GALNT17: variants seen among roughly 807,000 people sequenced by gnomAD.
GALNT17 encodes the protein UDP-GalNAc:polypeptide N-acetylgalactosaminyltransferase-like 3.
GALNT17 carries 29 observed loss-of-function variants against 63.7 expected under a neutral mutation model. The observed-to-expected ratio is 0.46, with a 90% CI of 0.34 to 0.62. The LOEUF (loss-of-function observed/expected upper bound fraction) is 0.62. GALNT17 is among the 20% of genes least tolerant of loss of function. The pLI is 0.01. For synonymous variants in GALNT17, 305 were observed against 318.3 expected (o/e 0.96, Z 0.45); for missense variants, 603 against 799.6 (o/e 0.75, Z 2.97).
chr7:71,364,605 A>G (rs993749446), intron 2 of GALNT17, among the ~76,000 whole-genome samples: 9 of 152,194 alleles, frequency 5.9e-5, no homozygotes, highest in Admixed American at 3.3e-4. Context: ...CCCGTTTTCA[A>G]TGACTCATTA....
At chr7:71,271,622 G>A (rs1311012538) in intron 1 of GALNT17, among the ~76,000 whole-genome samples, 5 of 152,240 alleles carry the variant, frequency 3.3e-5, no homozygotes, top group Non-Finnish European at 7.3e-5. Flanking sequence ...CTTTTTGGGT[G>A]TACAGTTTGA....
At chr7:71,611,063 T>C (rs552060032) in intron 6 of GALNT17, among the ~76,000 whole-genome samples, 1 of 151,940 alleles carries the variant, frequency 6.6e-6, no homozygotes, top group East Asian at 1.9e-4. Flanking sequence ...CACTGTCTTC[T>C]TTATGCTTCA....
intron 9 of GALNT17, among the ~76,000 whole-genome samples, chr7:71,690,536 T>G (rs1200972691): frequency 6.6e-6 from 1 of 152,244 alleles, no homozygotes; most frequent in Non-Finnish European, 1.5e-5. Flanking sequence ...TCAAGTCTTA[T>G]TTAAGAAATT....
chr7:71,701,903 A>G (rs1791653738), intron 9 of GALNT17, among the ~76,000 whole-genome samples: 1 of 125,136 alleles, frequency 8.0e-6, no homozygotes, highest in Admixed American at 8.6e-5. Flanking sequence ...ATACACATAT[A>G]TATATATACA....
chr7:71,476,027 C>T (rs1317612994), intron 5 of GALNT17, among the ~76,000 whole-genome samples: 1 of 152,004 alleles, frequency 6.6e-6, no homozygotes, highest in Non-Finnish European at 1.5e-5. Context: ...TCATCAACCA[C>T]CATCATTATT....
intron 5 of GALNT17, among the ~76,000 whole-genome samples, chr7:71,426,749 G>A (rs1786767540): frequency 6.6e-6 from 1 of 151,944 alleles, no homozygotes; most frequent in African/African-American, 2.4e-5. Flanking sequence ...GATAAACCCT[G>A]TCTCTACTAA....
At chr7:71,233,984 C>G (rs949737540) in intron 1 of GALNT17, among the ~76,000 whole-genome samples, 1 of 152,102 alleles carries the variant, frequency 6.6e-6, no homozygotes, top group Non-Finnish European at 1.5e-5. Flanking sequence ...ACAATCAGAT[C>G]TCATGAGAAC....
chr7:71,218,230 C>A (rs1214845710), intron 1 of GALNT17, among the ~76,000 whole-genome samples: 2 of 152,158 alleles, frequency 1.3e-5, no homozygotes, highest in East Asian at 3.9e-4. Context: ...CCCGTCTCTA[C>A]TAAAAATTAC....
intron 1 of GALNT17, among the ~76,000 whole-genome samples, chr7:71,210,738 G>T (rs1789359757): frequency 6.6e-6 from 1 of 152,098 alleles, no homozygotes; most frequent in Non-Finnish European, 1.5e-5. Context: ...CAAGTTATTT[G>T]TCCTCCCTAT....
intron 6 of GALNT17, among the ~76,000 whole-genome samples, chr7:71,583,093 C>T (rs1789660500): frequency 6.6e-6 from 1 of 152,126 alleles, no homozygotes; most frequent in Non-Finnish European, 1.5e-5. Flanking sequence ...CACATCTCTG[C>T]TCCATACTCC....
chr7:71,241,825 G>T (rs117745929), intron 1 of GALNT17, among the ~76,000 whole-genome samples: 5,190 of 152,204 alleles, frequency 0.034, 115 homozygotes, highest in South Asian at 0.059. Flanking sequence ...GGAGTTCTAG[G>T]CTGCAGTGAG....
intron 9 of GALNT17, among the ~76,000 whole-genome samples, chr7:71,707,633 G>T (rs917118925): frequency 6.6e-6 from 1 of 152,160 alleles, no homozygotes; most frequent in Admixed American, 6.6e-5. Flanking sequence ...GGACTCATTC[G>T]TGCATCTCCT....
intron 5 of GALNT17, among the ~76,000 whole-genome samples, chr7:71,521,594 C>T (rs995055274): frequency 5.3e-5 from 8 of 152,202 alleles, no homozygotes; most frequent in Non-Finnish European, 7.3e-5. Context: ...CGTGACTGAA[C>T]GCAGTTCTGA....
chr7:71,193,413 A>G (rs938995888), intron 1 of GALNT17, among the ~76,000 whole-genome samples: 35 of 146,192 alleles, frequency 2.4e-4, no homozygotes, highest in African/African-American at 6.4e-4. Flanking sequence ...ATCTATTGCA[A>G]TTGTCCACAT....
At chr7:71,363,029 C>T (rs541525556) in intron 2 of GALNT17, among the ~76,000 whole-genome samples, 3 of 151,958 alleles carry the variant, frequency 2.0e-5, no homozygotes, top group African/African-American at 2.4e-5. Flanking sequence ...TGCCGTGGCC[C>T]GATCTCAGCT....
chr7:71,206,109 A>G (rs935679656), intron 1 of GALNT17, among the ~76,000 whole-genome samples: 1 of 148,558 alleles, frequency 6.7e-6, no homozygotes, highest in Non-Finnish European at 1.5e-5. Context: ...ATGTGTGTGT[A>G]TACATATGAG....
At chr7:71,336,684 G>A (rs1394770133) in intron 2 of GALNT17, among the ~76,000 whole-genome samples, 1 of 152,182 alleles carries the variant, frequency 6.6e-6, no homozygotes, top group African/African-American at 2.4e-5. Flanking sequence ...CTTGTTTATG[G>A]CTGCGTAGTA....
intron 1 of GALNT17, among the ~76,000 whole-genome samples, chr7:71,199,109 T>C (rs926295869): frequency 6.6e-6 from 1 of 152,212 alleles, no homozygotes; most frequent in African/African-American, 2.4e-5. Flanking sequence ...ACATCTGTCT[T>C]ATCTGTCAAG....
At chr7:71,697,365 GGA>G (rs1218006949) in intron 9 of GALNT17, among the ~76,000 whole-genome samples, 1 of 152,092 alleles carries the variant, frequency 6.6e-6, no homozygotes, top group East Asian at 1.9e-4. Context: ...AGAATAGTCT[GGA>G]ATTTTGGGAG....
Sources: gnomAD v4.1 joint callset for allele counts (sites outside exome capture counted in the v4.1 genomes callset) on GRCh38, gnomAD v4.1.1 for gene constraint, MANE v1.5 for transcripts, NCBI Gene and HGNC (gene_info 2026-07-23, HGNC 2026-07-21) for gene names.